The following PREX1 variants were observed in gnomAD, a reference collection of about 807,000 sequenced individuals.
The protein encoded by PREX1 is phosphatidylinositol-3,4,5-trisphosphate dependent Rac exchange factor 1, also known as phosphatidylinositol 3,4,5-trisphosphate-dependent Rac exchanger 1 protein.
A neutral mutation model predicts 198.3 loss-of-function variants in PREX1; 41 were observed. The observed-to-expected ratio is 0.21, with a 90% CI of 0.16 to 0.27. The LOEUF is 0.27. PREX1 is among the 10% of genes least tolerant of loss of function. The pLI is 1.00. For synonymous variants in PREX1, 843 were observed against 887.2 expected (o/e 0.95, Z 0.89); for missense variants, 1,620 against 2,200.7 (o/e 0.74, Z 5.28).
chr20:48,689,500 C>T lies in PREX1; in HGVS notation c.1187-696G>A, dbSNP rs1035687831. 7.9e-5 allele frequency among the ~76,000 whole-genome samples: 12 copies of T among 152,280 alleles called. No homozygotes were observed. In the Middle Eastern group the frequency reaches 0.01, roughly 129 times the overall value. On this transcript the variant is annotated intron_variant, in intron 9 of 39. Transcript: ENST00000371941. Reference sequence around the variant, plus strand: ...AGGAAGTTGGTTCCATATTCGTGCTCGTGACCACCCCAGCCCTGAGGTCAG... The same window carrying T: ...AGGAAGTTGGTTCCATATTCGTGCTTGTGACCACCCCAGCCCTGAGGTCAG...
chr20:48,849,105 A>G, the PREX1 span, among the ~76,000 whole-genome samples: 14 of 152,146 alleles, frequency 9.2e-5, no homozygotes, highest in African/African-American at 1.7e-4. Flanking sequence ...CAAAAAAAAA[A>G]AAAGGAATGT....
At chr20:48,869,854 G>T in the PREX1 span, among the ~76,000 whole-genome samples, 3 of 152,174 alleles carry the variant, frequency 2.0e-5, no homozygotes, top group African/African-American at 7.2e-5. Flanking sequence ...GAGTTGCAGG[G>T]TAAGCGGGGA....
intron 1 of PREX1, among the ~76,000 whole-genome samples, chr20:48,826,325 T>A (rs2090508472): frequency 6.6e-6 from 1 of 152,092 alleles, no homozygotes; most frequent in African/African-American, 2.4e-5. Flanking sequence ...CATCCAAGGC[T>A]CTGCCCCGTC....
At chr20:48,826,519 G>A (rs1257735854) in intron 1 of PREX1, among the ~76,000 whole-genome samples, 1 of 152,180 alleles carries the variant, frequency 6.6e-6, no homozygotes, top group African/African-American at 2.4e-5. Context: ...TGCGATCCCA[G>A]ACAAGCTACC....
the PREX1 span, among the ~76,000 whole-genome samples, chr20:48,838,515 A>G: frequency 6.6e-6 from 1 of 152,224 alleles, no homozygotes; most frequent in African/African-American, 2.4e-5. Context: ...ATACTTAAAT[A>G]TAGTATGTCC....
In PREX1 at chr20:48,826,783, C is replaced by G. The variant is rs376162049; in HGVS notation, c.219+859G>C. ...CTGAGGCAAGAGAATTGCTTGAACC[C>G]GGGAGGCGGAGGTTGCAGTGAACCG... On this transcript the variant is annotated intron_variant, in intron 1 of 39. Transcript: ENST00000371941. 2.4e-3 allele frequency among the ~76,000 whole-genome samples: 364 copies of G among 152,258 alleles called. 5 individuals are homozygous for G. The highest frequency in any genetic ancestry group is 8.4e-3 in the African/African-American group (348 of 41,538).
At chr20:48,836,902 CAA>C in the PREX1 span, among the ~76,000 whole-genome samples, 112 of 56,082 alleles carry the variant, frequency 2.0e-3, 1 homozygote, top group South Asian at 0.038. Flanking sequence ...ACTCTGTCTC[CAA>C]AAAAAAAAAA....
intron 19 of PREX1, 115 bp from the exon 20 acceptor site, chr20:48,653,612 C>G: frequency 7.8e-7 from 1 of 1,281,474 alleles, no homozygotes. Flanking sequence ...GACTCCACCT[C>G]CACCCCTCCC....
At chr20:48,754,194 C>T (rs1429483933) in intron 1 of PREX1, among the ~76,000 whole-genome samples, 1 of 152,212 alleles carries the variant, frequency 6.6e-6, no homozygotes, top group African/African-American at 2.4e-5. Context: ...CTTTAGGCCT[C>T]ATTATGTGCA....
chr20:48,750,884 G>T (rs1292480862), intron 1 of PREX1, among the ~76,000 whole-genome samples: 1 of 152,178 alleles, frequency 6.6e-6, no homozygotes, highest in Non-Finnish European at 1.5e-5. Flanking sequence ...TTCAACCATG[G>T]GTCCTTCCTG....
Position 48,827,793 on chromosome 20 carries a change from C to A in PREX1, c.68G>T (p.Arg23Leu). Residue 23 changes from arginine to leucine, a missense_variant, in exon 1 of 40, where the codon CGG (arginine) becomes CTG (leucine). Around this residue, in one of 7 missense-constraint regions of PREX1, gnomAD observed 96 missense variants for 98.7 expected, o/e 0.97. Transcript: ENST00000371941. The surrounding 1 kb of genome is among the most constrained non-coding windows in gnomAD (Gnocchi z 4.1). ...GAGDCAHPDP[R>L]APGAAAPSSG... ...GCTGGGCGCCGCGGCGCCAGGGGCCCGGGGGTCCGGGTGGGCGCAGTCCCC... is the reference window on the plus strand; with the variant it reads ...GCTGGGCGCCGCGGCGCCAGGGGCCAGGGGGTCCGGGTGGGCGCAGTCCCC... 1.8e-6 allele frequency: 2 copies of A among 1,094,098 alleles called. No individual in the cohort carries two copies. The highest frequency in any genetic ancestry group is 2.2e-6 in the Non-Finnish European group (2 of 892,888). The allele number at this position is 1,094,098 out of a possible 1,614,324, so 67.8% of individuals were successfully genotyped here.
chr20:48,651,507 G>C lies in PREX1; in HGVS notation c.2544C>G (p.Asn848Lys). Residue 848 changes from asparagine (N) to lysine (K), a missense_variant, in exon 22 of 40, where the codon AAC becomes AAG. Physicochemically the swap from Asn to Lys is moderately conservative, Grantham distance 94. Transcript: ENST00000371941. ...DSPMVTLTVD[N>K]VHLEHGVVYE... The stretch of plus-strand genomic sequence containing the variant: ...ACACCACGCCGTGTTCCAGGTGCAC[G>C]TTGTCCACAGTCAGGGTGACCATGG... The C allele has an allele frequency of 6.2e-7, 1 of 1,614,242 alleles. No individual in the cohort carries two copies. The highest frequency in any genetic ancestry group is 8.5e-7 in the Non-Finnish European group (1 of 1,180,038).
At chr20:48,795,214 G>A (rs1291391789) in intron 1 of PREX1, among the ~76,000 whole-genome samples, 2 of 152,112 alleles carry the variant, frequency 1.3e-5, no homozygotes, top group African/African-American at 4.8e-5. Flanking sequence ...GCAGAGCTGG[G>A]ATGCTGGTTC....
intron 30 of PREX1, among the ~76,000 whole-genome samples, chr20:48,639,445 T>C (rs2122852568): frequency 6.6e-6 from 1 of 152,322 alleles, no homozygotes; most frequent in African/African-American, 2.4e-5. Flanking sequence ...ACACATCCAA[T>C]GCTTTGGAAG....
At chr20:48,743,940 T>C (rs1003574358) in intron 3 of PREX1, among the ~76,000 whole-genome samples, 1 of 152,154 alleles carries the variant, frequency 6.6e-6, no homozygotes, top group Non-Finnish European at 1.5e-5. Flanking sequence ...CACAGCTCCA[T>C]CATCTTAGGC....
Position 48,647,339 on chromosome 20 carries a change from G to A in PREX1, c.3306-1282C>T, listed in dbSNP as rs141625729. Among the ~76,000 whole-genome samples the A allele has an allele frequency of 6.0e-3, 912 of 151,738 alleles. 31 individuals are homozygous for A. Among genetic ancestry groups the A allele is most frequent in the Admixed American group, 0.041 (622 of 15,246 alleles). Reference sequence around the variant, plus strand: ...AGATCAAGACCATCCTGGCCAACATGGTGAAACCCCATCTCTACTAAAAAT... The same window carrying A: ...AGATCAAGACCATCCTGGCCAACATAGTGAAACCCCATCTCTACTAAAAAT... On this transcript the variant is annotated intron_variant, in intron 25 of 39. Transcript: ENST00000371941.
At chr20:48,679,609 G>A (rs369688673) in intron 12 of PREX1, 42 bp downstream of exon 12, 8 of 1,542,596 alleles carry the variant, frequency 5.2e-6, no homozygotes, top group South Asian at 3.4e-5. Flanking sequence ...GGAGGTGAAC[G>A]AGGCCAGCTG....
In PREX1 at chr20:48,827,730, T is replaced by C; in HGVS notation, c.131A>G (p.Glu44Gly). 4.5e-6 allele frequency: 6 copies of C among 1,330,678 alleles called. No homozygotes were observed. Among genetic ancestry groups the C allele is most frequent in the South Asian group, 1.9e-5 (1 of 51,892 alleles). 82.4% of individuals were successfully genotyped at this position (1,330,678 alleles called of 1,614,324 possible). A position where few individuals can be genotyped will look rare whatever the true frequency, so the allele number is the denominator to read the frequency against. The change falls in exon 1 of 40, where the codon GAG becomes GGG. Residue 44 changes from glutamate (E) to glycine (G), a missense_variant. Coordinates refer to ENST00000371941, the MANE Select transcript of PREX1 (RefSeq NM_020820.4). The surrounding 1 kb of genome is among the most constrained non-coding windows in gnomAD (Gnocchi z 4.1). ...GCAGAGGCGGAGGCGCAGCTGGCGCTCGGACTCCCGGGCGGCCGCGCACGG... is the reference window on the plus strand; with the variant it reads ...GCAGAGGCGGAGGCGCAGCTGGCGCCCGGACTCCCGGGCGGCCGCGCACGG... ...PGPCAAARES[E>G]RQLRLRLCVL... is the part of the protein sequence containing the mutation.
At chr20:48,732,734 AT>A (rs1456733764) in intron 4 of PREX1, among the ~76,000 whole-genome samples, 1 of 152,164 alleles carries the variant, frequency 6.6e-6, no homozygotes, top group African/African-American at 2.4e-5. Context: ...TAAAGCCTGT[AT>A]TTCCCAGCCT....
Sources: gnomAD v4.1 joint callset for allele counts (sites outside exome capture counted in the v4.1 genomes callset) on GRCh38, gnomAD v4.1.1 for gene constraint, gnomAD v4.1.1 regional missense constraint, Gnocchi (gnomAD v3.1) non-coding constraint, MANE v1.5 for transcripts, NCBI Gene and HGNC (gene_info 2026-07-23, HGNC 2026-07-21) for gene names.